SORT1: variants seen among roughly 807,000 people sequenced by gnomAD.
SORT1 encodes sortilin.
Under a neutral mutation model 101.7 loss-of-function variants are expected in SORT1, and 39 were observed. The ratio of observed to expected loss-of-function variants is 0.38; its 90% CI spans 0.30 to 0.50. SORT1 has a LOEUF of 0.50. Among genes scored for constraint, SORT1 ranks in the 20% least tolerant of loss-of-function variants. SORT1 has a pLI of 0.90. For synonymous variants in SORT1, 396 were observed against 393.7 expected, an observed-to-expected ratio of 1.01 and a Z score of -0.07; for missense variants, 878 against 1,040.4, an observed-to-expected ratio of 0.84 and a Z score of 2.15.
chr1:109,384,188 C>A (rs1281077788), intron 1 of SORT1, among the ~76,000 whole-genome samples: 3 of 152,154 alleles, frequency 2.0e-5, no homozygotes, highest in Non-Finnish European at 2.9e-5. Flanking sequence ...GATTCAGATG[C>A]CTCAGCAACC....
At chr1:109,325,307 G>A (rs11102969) in intron 13 of SORT1, among the ~76,000 whole-genome samples, 95,972 of 146,596 alleles carry the variant, frequency 0.65, 32,912 homozygotes, top group East Asian at 0.96. Context: ...GCGCGATCTC[G>A]ACTCACTGCA....
At position 109,371,010 on chromosome 1, in the gene SORT1, T is replaced by C. The variant is rs555027501; in HGVS notation, c.307-1421A>G. On this transcript the variant is annotated intron_variant, in intron 1 of 19. Transcript: ENST00000256637. ...TCGAATTTTCTCTTGCAGTCTTGAA[T>C]GGGCTTCCGAATTCACGTATGTGAT... Among the ~76,000 whole-genome samples, 5 of 152,368 alleles carry C rather than the reference T, an allele frequency of 3.3e-5. No individual in the cohort carries two copies. The South Asian group carries it at 1.0e-3, about 32-fold the overall frequency.
chr1:109,353,338 A>AC lies in SORT1; in HGVS notation c.708+1028_708+1029insG, dbSNP rs1363969833. 8.1e-4 allele frequency among the ~76,000 whole-genome samples: 123 copies of AC among 151,050 alleles called. 2 individuals carry two copies. The highest frequency in any genetic ancestry group is 2.8e-3 in the African/African-American group (116 of 41,108). On this transcript the variant is annotated intron_variant, in intron 5 of 19. Transcript: ENST00000256637. ...AGCAAAACTCTGTCTCAAAAAAAAAAAAAAAAAAAAAAACAAAAGCAAAAA... is the reference window on the plus strand; with the variant it reads ...AGCAAAACTCTGTCTCAAAAAAAAAACAAAAAAAAAAAAACAAAAGCAAAAA...
rs1480930216 is a variant in SORT1 at position 109,323,197 on chromosome 1, G to A, written c.1835-76C>T. The A allele has an allele frequency of 3.0e-6, 3 of 991,866 alleles. No homozygotes were observed. In the South Asian group the frequency reaches 4.7e-5, roughly 16 times the overall value. The allele number at this position is 991,866 out of a possible 1,614,324, so 61.4% of individuals were successfully genotyped here. A position where few individuals can be genotyped will look rare whatever the true frequency, so the allele number is the denominator to read the frequency against. The stretch of plus-strand genomic sequence containing the variant: ...ACGGGAGGCAGCTGCCAGGCTATAG[G>A]AAGAACAAGGAGAGGGAAAGTGGGA... On this transcript the variant is annotated intron_variant, in intron 14 of 19. Transcript: ENST00000256637.
Position 109,341,110 on chromosome 1 carries a change from T to G in SORT1, c.1109-231A>C, listed in dbSNP as rs1246449399. ...CCTGGAATATGGCAGATGCTGAGTT[T>G]GTTGAATAAATTAATCAGATGCTAC... On this transcript the variant is annotated intron_variant, in intron 9 of 19. Coordinates refer to ENST00000256637, the MANE Select transcript of SORT1 (RefSeq NM_002959.7). Among the ~76,000 whole-genome samples, 4 of 152,342 alleles carry G rather than the reference T, an allele frequency of 2.6e-5. No homozygotes were observed. In the East Asian group the frequency reaches 7.7e-4, roughly 29 times the overall value.
intron 13 of SORT1, among the ~76,000 whole-genome samples, chr1:109,326,590 C>T (rs1346238470): frequency 6.9e-6 from 1 of 144,864 alleles, no homozygotes; most frequent in African/African-American, 2.5e-5. Context: ...TACACACACA[C>T]ATATATATAT....
In SORT1 at chr1:109,397,814, G is replaced by A; in HGVS notation, c.79C>T (p.Leu27=). The change falls in exon 1 of 20, where the codon CTG becomes TTG. Residue 27 remains leucine (L), a synonymous_variant. Coordinates refer to ENST00000256637, the MANE Select transcript of SORT1 (RefSeq NM_002959.7). Reference sequence around the variant, plus strand: ...TCCTGGCTGAGGGTCGACGGCGGCAGCAGCTGCAGGAGGAGGAGGAGGCCG... The same window carrying A: ...TCCTGGCTGAGGGTCGACGGCGGCAACAGCTGCAGGAGGAGGAGGAGGCCG... ...GLGLLLLLQL[L]PPSTLSQDRL... is the part of the protein sequence containing the mutation. 1 of 1,289,154 alleles carries A rather than the reference G, an allele frequency of 7.8e-7. No homozygotes were observed. Among genetic ancestry groups the A allele is most frequent in the Non-Finnish European group, 9.9e-7 (1 of 1,008,368 alleles). 79.9% of individuals were successfully genotyped at this position (1,289,154 alleles called of 1,614,324 possible).
chr1:109,364,647 T>C (rs981622378), intron 3 of SORT1, among the ~76,000 whole-genome samples: 4 of 152,176 alleles, frequency 2.6e-5, no homozygotes, highest in African/African-American at 9.7e-5. Flanking sequence ...TTAGTAACAT[T>C]TGCATGTTGG....
rs1381671615 is a variant in SORT1, at chr1:109,324,914, T to C, written c.1819A>G (p.Ile607Val). The C allele has an allele frequency of 1.9e-6, 3 of 1,605,112 alleles. No homozygotes were observed. Among genetic ancestry groups the C allele is most frequent in the Admixed American group, 1.7e-5 (1 of 59,082 alleles). ...AGACACTCACAGTTCCTTTCAAGGA[T>C]ATCTTTAAAATCAATGGTGTAGGAG... ...WVSYTIDFKD[I>V]LERNCEEKDY... Residue 607 changes from isoleucine (I) to valine (V), a missense_variant, in exon 14 of 20, where the codon ATC (isoleucine) becomes GTC (valine). Coordinates refer to ENST00000256637, the MANE Select transcript of SORT1 (RefSeq NM_002959.7).
At chr1:109,387,667 A>G (rs1652649992) in intron 1 of SORT1, among the ~76,000 whole-genome samples, 1 of 152,200 alleles carries the variant, frequency 6.6e-6, no homozygotes, top group African/African-American at 2.4e-5. Context: ...CAAGAAAGGC[A>G]TTTTGGGCTG....
chr1:109,374,056 T>A (rs888940540), intron 1 of SORT1, among the ~76,000 whole-genome samples: 1 of 152,106 alleles, frequency 6.6e-6, no homozygotes, highest in African/African-American at 2.4e-5. Flanking sequence ...ACCACTGCAC[T>A]CCAGCCTGAG....
At chr1:109,378,658 T>C (rs1331592394) in intron 1 of SORT1, among the ~76,000 whole-genome samples, 1 of 124,110 alleles carries the variant, frequency 8.1e-6, no homozygotes, top group Non-Finnish European at 1.6e-5. Context: ...AAACATCTAG[T>C]ACTATGTTAG....
chr1:109,376,314 G>A (rs533393025), intron 1 of SORT1, among the ~76,000 whole-genome samples: 1 of 130,166 alleles, frequency 7.7e-6, no homozygotes, highest in South Asian at 2.5e-4. Context: ...CTGGGCAACA[G>A]AGGGAGACTC....
intron 10 of SORT1, among the ~76,000 whole-genome samples, chr1:109,338,850 C>T (rs1355202237): frequency 6.6e-6 from 1 of 152,068 alleles, no homozygotes; most frequent in East Asian, 1.9e-4. Context: ...CTCACCACCA[C>T]CACCAGGCCA....
At chr1:109,325,838 A>G (rs1268403448) in intron 13 of SORT1, among the ~76,000 whole-genome samples, 1 of 151,684 alleles carries the variant, frequency 6.6e-6, no homozygotes, top group East Asian at 2.0e-4. Context: ...AAGCAAAACA[A>G]AAAACCACAA....
Position 109,367,303 on chromosome 1 carries a change from AG to A in SORT1, c.440+104del. The stretch of plus-strand genomic sequence containing the variant: ...CTGGTGAAAACTTAGGATGGCTAGA[AG>A]ATCTTTTACATCAACTGTTACGTGC... On this transcript the variant is annotated intron_variant, in intron 3 of 19. Coordinates refer to ENST00000256637, the MANE Select transcript of SORT1 (RefSeq NM_002959.7). 3 of 668,548 alleles carry A rather than the reference AG, an allele frequency of 4.5e-6. No homozygotes were observed. The African/African-American group carries it at 5.5e-5, about 12-fold the overall frequency. 41.4% of individuals were successfully genotyped at this position (668,548 alleles called of 1,614,324 possible).
intron 3 of SORT1, among the ~76,000 whole-genome samples, chr1:109,364,919 T>A (rs1162841154): frequency 6.6e-6 from 1 of 152,126 alleles, no homozygotes; most frequent in Non-Finnish European, 1.5e-5. Flanking sequence ...CAAAAAAGAC[T>A]TAGGAGGTTA....
At chr1:109,376,330 CAAAAAA>C (rs35117356) in intron 1 of SORT1, among the ~76,000 whole-genome samples, 2 of 93,774 alleles carry the variant, frequency 2.1e-5, no homozygotes, top group African/African-American at 8.4e-5. Context: ...GACTCCATCT[CAAAAAA>C]AAAAAAAAAA....
intron 1 of SORT1, among the ~76,000 whole-genome samples, chr1:109,373,162 A>T (rs956031885): frequency 1.3e-5 from 2 of 152,314 alleles, no homozygotes; most frequent in East Asian, 3.9e-4. Context: ...CTGAAAGACA[A>T]GGAACTGAAC....
Sources: gnomAD v4.1 joint callset for allele counts (sites outside exome capture counted in the v4.1 genomes callset) on GRCh38, gnomAD v4.1.1 for gene constraint, MANE v1.5 for transcripts, NCBI Gene and HGNC (gene_info 2026-07-23, HGNC 2026-07-21) for gene names.